PLCB1: variants seen among roughly 807,000 people sequenced by gnomAD.
PLCB1 encodes the protein phospholipase C beta 1.
PLCB1 carries 46 observed loss-of-function variants against 161.8 expected under a neutral mutation model. The ratio of observed to expected loss-of-function variants is 0.28; its 90% CI spans 0.22 to 0.36. The LOEUF is 0.36. Among genes scored for constraint, PLCB1 ranks in the 10% least tolerant of loss-of-function variants. PLCB1 has a pLI of 1.00. For synonymous variants in PLCB1, 517 were observed against 503.7 expected (o/e 1.03, Z -0.35); for missense variants, 1,016 against 1,472.5 (o/e 0.69, Z 5.07).
intron 2 of PLCB1, among the ~76,000 whole-genome samples, chr20:8,155,073 C>G (rs923247137): frequency 6.6e-6 from 1 of 152,256 alleles, no homozygotes; most frequent in South Asian, 2.1e-4. Flanking sequence ...CTTCATATCA[C>G]TCGTAGAGCT....
intron 3 of PLCB1, among the ~76,000 whole-genome samples, chr20:8,586,485 A>G (rs1296429297): frequency 1.3e-5 from 2 of 150,884 alleles, no homozygotes; most frequent in Non-Finnish European, 2.9e-5. Context: ...AGTTATCAAC[A>G]TGGTAAGTAG....
In PLCB1 at chr20:8,542,258, C is replaced by T. The variant is rs139951782; in HGVS notation, c.247-86036C>T. Among the ~76,000 whole-genome samples the T allele has an allele frequency of 3.3e-5, 5 of 152,238 alleles. No individual in the cohort carries two copies. The East Asian group carries it at 7.7e-4, about 24-fold the overall frequency. On this transcript the variant is annotated intron_variant, in intron 3 of 31. Coordinates refer to ENST00000338037, the MANE Select transcript of PLCB1 (RefSeq NM_015192.4). ...TCTACTAGTGCCTCGGGCATTCCTGCGGCCTTTGTCTAAGCAGAAAGGGTA... is the reference window on the plus strand; with the variant it reads ...TCTACTAGTGCCTCGGGCATTCCTGTGGCCTTTGTCTAAGCAGAAAGGGTA...
At chr20:8,878,665 T>C (rs1987864172) in intron 31 of PLCB1, among the ~76,000 whole-genome samples, 1 of 152,208 alleles carries the variant, frequency 6.6e-6, no homozygotes, top group Non-Finnish European at 1.5e-5. Context: ...ATAGTTGACT[T>C]TCAATACTCA....
intron 3 of PLCB1, among the ~76,000 whole-genome samples, chr20:8,609,149 T>C (rs1336561675): frequency 6.6e-6 from 1 of 152,186 alleles, no homozygotes; most frequent in Non-Finnish European, 1.5e-5. Flanking sequence ...GCAAAAATAG[T>C]CTTAGCTATT....
chr20:8,162,657 A>G (rs998658716), intron 2 of PLCB1, among the ~76,000 whole-genome samples: 7 of 152,212 alleles, frequency 4.6e-5, no homozygotes, highest in African/African-American at 1.7e-4. Context: ...TCTCCCTGGC[A>G]TTGTGCAAAA....
chr20:8,587,097 G>T (rs567376320), intron 3 of PLCB1, among the ~76,000 whole-genome samples: 1 of 152,152 alleles, frequency 6.6e-6, no homozygotes, highest in African/African-American at 2.4e-5. Flanking sequence ...TATTAGGTTT[G>T]TGTAATTGTG....
chr20:8,271,823 C>T (rs1466655197), intron 2 of PLCB1, among the ~76,000 whole-genome samples: 1 of 151,984 alleles, frequency 6.6e-6, no homozygotes, highest in Admixed American at 6.6e-5. Context: ...CAGGGACAAA[C>T]TAAGGTAACC....
rs1472529644 is a variant in PLCB1, at chr20:8,142,274, C to G, written c.100-8020C>G. Among the ~76,000 whole-genome samples the G allele has an allele frequency of 2.6e-5, 4 of 152,098 alleles. No homozygotes were observed. The South Asian group carries it at 8.3e-4, about 32-fold the overall frequency. On this transcript the variant is annotated intron_variant, in intron 1 of 31. Transcript: ENST00000338037. ...GGAGGGCAGTCATGCTCCTATGAGACCTTCGTGACCTTTGAGGTGTTGTGT... is the reference window on the plus strand; with the variant it reads ...GGAGGGCAGTCATGCTCCTATGAGAGCTTCGTGACCTTTGAGGTGTTGTGT...
chr20:8,552,031 T>C (rs573161746), intron 3 of PLCB1, among the ~76,000 whole-genome samples: 2 of 152,296 alleles, frequency 1.3e-5, no homozygotes, highest in African/African-American at 4.8e-5. Flanking sequence ...TGTTAAAATA[T>C]TGAGTGCTTT....
intron 31 of PLCB1, among the ~76,000 whole-genome samples, chr20:8,814,576 C>CGTGTGT (rs1491457369): frequency 2.5e-4 from 18 of 72,404 alleles, no homozygotes; most frequent in African/African-American, 1.1e-3. Context: ...TATGTACTTG[C>CGTGTGT]ATGTGTGTGT....
intron 1 of PLCB1, among the ~76,000 whole-genome samples, chr20:8,145,032 G>A (rs2051439741): frequency 6.6e-6 from 1 of 152,142 alleles, no homozygotes; most frequent in South Asian, 2.1e-4. Flanking sequence ...TTGAGGTTTA[G>A]GGTTATGCTT....
intron 3 of PLCB1, among the ~76,000 whole-genome samples, chr20:8,561,242 C>A (rs192962906): frequency 6.6e-6 from 1 of 151,976 alleles, no homozygotes; most frequent in African/African-American, 2.4e-5. Context: ...GATACACTTT[C>A]TAGTCTAAAG....
At chr20:8,399,925 T>C (rs1978474878) in intron 3 of PLCB1, among the ~76,000 whole-genome samples, 1 of 152,340 alleles carries the variant, frequency 6.6e-6, no homozygotes, top group South Asian at 2.1e-4. Context: ...ATAAGTTGTT[T>C]GTTCTATAAT....
intron 2 of PLCB1, among the ~76,000 whole-genome samples, chr20:8,335,712 T>A (rs1328867101): frequency 6.6e-6 from 1 of 152,260 alleles, no homozygotes; most frequent in Non-Finnish European, 1.5e-5. Flanking sequence ...TCAAGTTCTA[T>A]GCAATTAATG....
At chr20:8,373,937 A>G (rs1451784093) in intron 3 of PLCB1, among the ~76,000 whole-genome samples, 1 of 152,182 alleles carries the variant, frequency 6.6e-6, no homozygotes, top group Non-Finnish European at 1.5e-5. Context: ...ATTTATTGAA[A>G]ATGACTGGAA....
At chr20:8,854,930 A>G (rs1336208076) in intron 31 of PLCB1, among the ~76,000 whole-genome samples, 2 of 152,234 alleles carry the variant, frequency 1.3e-5, no homozygotes, top group Non-Finnish European at 2.9e-5. Flanking sequence ...ACAGCAATTA[A>G]TGGATAGCCT....
rs768732725 is a variant in PLCB1 at position 8,580,490 on chromosome 20, T to C, written c.247-47804T>C. Among the ~76,000 whole-genome samples the C allele has an allele frequency of 1.4e-4, 22 of 152,328 alleles. No individual in the cohort carries two copies. The East Asian group carries it at 1.5e-3, about 11-fold the overall frequency. ...AGGGTTTTCTTTCCAATGATCAACATTGATTGATGTAGGACCTTCTTAGCG... is the reference window on the plus strand; with the variant it reads ...AGGGTTTTCTTTCCAATGATCAACACTGATTGATGTAGGACCTTCTTAGCG... On this transcript the variant is annotated intron_variant, in intron 3 of 31. Transcript: ENST00000338037.
chr20:8,420,935 TAAATACCC>T (rs896259125), intron 3 of PLCB1, among the ~76,000 whole-genome samples: 58 of 152,276 alleles, frequency 3.8e-4, no homozygotes, highest in African/African-American at 1.4e-3. Flanking sequence ...GTTTTTGTTT[TAAATACCC>T]TGATGGAATA....
At chr20:8,154,560 C>T (rs1192011251) in intron 2 of PLCB1, among the ~76,000 whole-genome samples, 2 of 152,134 alleles carry the variant, frequency 1.3e-5, no homozygotes, top group African/African-American at 4.8e-5. Context: ...TATAACCCTA[C>T]CTGTCTTATA....
Sources: gnomAD v4.1 joint callset for allele counts (sites outside exome capture counted in the v4.1 genomes callset) on GRCh38, gnomAD v4.1.1 for gene constraint, MANE v1.5 for transcripts, NCBI Gene and HGNC (gene_info 2026-07-23, HGNC 2026-07-21) for gene names.